The following NCOA2 variants were observed in gnomAD, a reference collection of about 807,000 sequenced individuals.
NCOA2 encodes the protein nuclear receptor coactivator 2.
A neutral mutation model predicts 145.1 loss-of-function variants in NCOA2; 21 were observed. The observed-to-expected ratio is 0.14, with a 90% confidence interval of 0.10 to 0.21. The LOEUF is 0.21. Among genes scored for constraint, NCOA2 ranks in the 10% least tolerant of loss-of-function variants. The pLI is 1.00. For missense variants in NCOA2, 1,472 were observed against 1,837.6 expected, an observed-to-expected ratio of 0.80 and a Z score of 3.64; for synonymous variants, 619 against 637.5, an observed-to-expected ratio of 0.97 and a Z score of 0.44.
At chr8:70,410,153 T>G in the NCOA2 span, among the ~76,000 whole-genome samples, 1 of 151,978 alleles carries the variant, frequency 6.6e-6, no homozygotes, top group African/African-American at 2.4e-5. Context: ...GAGGTTGCAG[T>G]GAGATGAGAT....
chr8:70,264,394 C>G (rs1325899332), intron 2 of NCOA2, among the ~76,000 whole-genome samples: 1 of 151,940 alleles, frequency 6.6e-6, no homozygotes, highest in Non-Finnish European at 1.5e-5. Flanking sequence ...CCTTGGGAGG[C>G]TGAGGTGGGT....
At chr8:70,229,353 A>G (rs1820936153) in intron 2 of NCOA2, among the ~76,000 whole-genome samples, 1 of 152,260 alleles carries the variant, frequency 6.6e-6, no homozygotes, top group African/African-American at 2.4e-5. Context: ...ATATACATAA[A>G]AAATACAAAG....
chr8:70,331,364 TTACTC>T (rs1304668369), intron 1 of NCOA2, among the ~76,000 whole-genome samples: 2 of 152,114 alleles, frequency 1.3e-5, no homozygotes, highest in Admixed American at 6.5e-5. Context: ...GTCCTTGAAT[TTACTC>T]TAATTCAAAA....
intron 1 of NCOA2, among the ~76,000 whole-genome samples, 158 bp downstream of exon 1, chr8:70,403,542 G>C (rs1207423938): frequency 3.0e-4 from 45 of 148,470 alleles, no homozygotes; most frequent in African/African-American, 1.1e-3. Flanking sequence ...GCACTCCGGC[G>C]GCGGTCCCCG....
intron 1 of NCOA2, among the ~76,000 whole-genome samples, chr8:70,396,243 C>T (rs1291951773): frequency 6.6e-6 from 1 of 152,240 alleles, no homozygotes; most frequent in Non-Finnish European, 1.5e-5. Flanking sequence ...TCTATCCTTT[C>T]TAAGCCTATA....
At chr8:70,116,216 G>C (rs936940466) in intron 22 of NCOA2, among the ~76,000 whole-genome samples, 1 of 136,884 alleles carries the variant, frequency 7.3e-6, no homozygotes, top group Non-Finnish European at 1.5e-5. Flanking sequence ...AAGGATGACA[G>C]TAGTATCTTG....
intron 1 of NCOA2, among the ~76,000 whole-genome samples, chr8:70,330,124 A>T (rs1418918438): frequency 6.6e-6 from 1 of 151,236 alleles, no homozygotes; most frequent in Admixed American, 6.6e-5. Context: ...ATCTAAACCT[A>T]TTTTTTTTTC....
At chr8:70,182,216 T>C (rs1443611323) in intron 4 of NCOA2, among the ~76,000 whole-genome samples, 1 of 152,232 alleles carries the variant, frequency 6.6e-6, no homozygotes, top group Admixed American at 6.5e-5. Flanking sequence ...CTTTCTTTAG[T>C]AGTGGGAGGA....
At chr8:70,376,224 A>G (rs796386169) in intron 1 of NCOA2, among the ~76,000 whole-genome samples, 26 of 152,306 alleles carry the variant, frequency 1.7e-4, no homozygotes, top group African/African-American at 6.3e-4. Context: ...ATCACTTCCT[A>G]TTTTAGGAAT....
At chr8:70,142,336 G>A (rs538983991) in intron 13 of NCOA2, among the ~76,000 whole-genome samples, 27 of 152,272 alleles carry the variant, frequency 1.8e-4, no homozygotes, top group African/African-American at 5.3e-4. Context: ...CATGCATTGT[G>A]GGCGTTTCTT....
chr8:70,261,898 T>C (rs1280267510), intron 2 of NCOA2, among the ~76,000 whole-genome samples: 1 of 151,994 alleles, frequency 6.6e-6, no homozygotes, highest in African/African-American at 2.4e-5. Context: ...TACAAAATGG[T>C]AGGCATGCTC....
chr8:70,183,116 C>T (rs1461239444), intron 4 of NCOA2, among the ~76,000 whole-genome samples: 1 of 152,016 alleles, frequency 6.6e-6, no homozygotes, highest in Non-Finnish European at 1.5e-5. Flanking sequence ...TATTGGGCTC[C>T]ACTCACTAAA....
At chr8:70,257,850 T>C (rs1823767830) in intron 2 of NCOA2, among the ~76,000 whole-genome samples, 2 of 151,508 alleles carry the variant, frequency 1.3e-5, no homozygotes, top group Non-Finnish European at 2.9e-5. Context: ...TGCGTCTCCC[T>C]GTCACTGAGC....
At chr8:70,173,768 C>A (rs186784272) in intron 5 of NCOA2, among the ~76,000 whole-genome samples, 1 of 151,796 alleles carries the variant, frequency 6.6e-6, no homozygotes, top group African/African-American at 2.4e-5. Context: ...ATTGTGTGCC[C>A]CCCCTCCGCC....
intron 4 of NCOA2, among the ~76,000 whole-genome samples, chr8:70,205,859 C>T (rs893683666): frequency 6.6e-6 from 1 of 152,182 alleles, no homozygotes; most frequent in African/African-American, 2.4e-5. Flanking sequence ...CTGGCTCCCT[C>T]AAGGAGGATC....
intron 2 of NCOA2, among the ~76,000 whole-genome samples, chr8:70,224,135 A>G (rs529672624): frequency 5.3e-5 from 8 of 152,320 alleles, no homozygotes; most frequent in Admixed American, 3.3e-4. Context: ...CCTGCAGCTC[A>G]CATTCCAGTG....
At chr8:70,440,568 GGA>G in the NCOA2 span, among the ~76,000 whole-genome samples, 5 of 150,108 alleles carry the variant, frequency 3.3e-5, no homozygotes, top group African/African-American at 2.4e-5. Context: ...GTGAGATAAG[GGA>G]GAGAGAGAGA....
In NCOA2 at chr8:70,110,282, A is replaced by G. The variant is rs1304775625; in HGVS notation, c.*3350T>C. ...AAAAATTGTACACAATTCACTATAC[A>G]AATATAATACATCGGACAGCTATGT... On this transcript the variant is annotated 3_prime_UTR_variant, in exon 23 of 23. Coordinates refer to ENST00000452400, the MANE Select transcript of NCOA2 (RefSeq NM_006540.4). 2 of 198,336 alleles carry G rather than the reference A, an allele frequency of 1.0e-5. No individual in the cohort carries two copies. Among genetic ancestry groups the G allele is most frequent in the Admixed American group, 6.0e-5 (1 of 16,618 alleles). 12.3% of individuals were successfully genotyped at this position (198,336 alleles called of 1,614,324 possible).
intron 1 of NCOA2, among the ~76,000 whole-genome samples, chr8:70,317,744 T>C (rs1805720556): frequency 6.6e-6 from 1 of 151,990 alleles, no homozygotes; most frequent in Admixed American, 6.6e-5. Flanking sequence ...CCCAGGGGCA[T>C]CTATTGGTAT....
Sources: allele counts gnomAD v4.1 joint callset (sites outside exome capture counted in the v4.1 genomes callset), GRCh38; gene constraint gnomAD v4.1.1; transcripts MANE v1.5; gene names NCBI Gene and HGNC (gene_info 2026-07-23, HGNC 2026-07-21).